Variants in SLC25A48 observed in about 807,000 individuals in gnomAD.
SLC25A48 encodes the protein solute carrier family 25 member 48, also known as CTC-321K16.1.
A neutral mutation model predicts 32.2 loss-of-function variants in SLC25A48; 29 were observed. The ratio of observed to expected loss-of-function variants is 0.90; its 90% CI spans 0.67 to 1.23. SLC25A48 has a LOEUF of 1.23. SLC25A48 is among the 50% of genes most tolerant of loss of function. SLC25A48 has a pLI of 0.00. For synonymous variants in SLC25A48, 164 were observed against 172.3 expected, an observed-to-expected ratio of 0.95 and a Z score of 0.38; for missense variants, 399 against 422.7, an observed-to-expected ratio of 0.94 and a Z score of 0.49.
At chr5:135,758,703 T>G (rs1357823748) in intron 3 of SLC25A48, among the ~76,000 whole-genome samples, 2 of 150,708 alleles carry the variant, frequency 1.3e-5, no homozygotes, top group Non-Finnish European at 3.0e-5. Flanking sequence ...GAATAATACC[T>G]AGTGTTAACA....
intron 3 of SLC25A48, among the ~76,000 whole-genome samples, chr5:135,638,740 C>A (rs779705625): frequency 1.3e-5 from 2 of 152,126 alleles, no homozygotes; most frequent in African/African-American, 4.8e-5. Context: ...CCAAATATAA[C>A]GTCTTATGAT....
In SLC25A48 at chr5:135,721,616, C is replaced by G. The variant is rs1754957738; in HGVS notation, c.-521+86660C>G. 1.3e-5 allele frequency among the ~76,000 whole-genome samples: 2 copies of G among 152,172 alleles called. 1 individual carries two copies. Among genetic ancestry groups the G allele is most frequent in the Admixed American group, 1.3e-4 (2 of 15,278 alleles). The stretch of plus-strand genomic sequence containing the variant: ...GCTGAAGCTGTGTAAAAGCTACCAG[C>G]TGGATGGTGTGAGCACTGCATAATT... On this transcript the variant is annotated intron_variant, in intron 3 of 10. Transcript: ENST00000646290.
chr5:135,786,830 T>C (rs1289851352), intron 3 of SLC25A48, among the ~76,000 whole-genome samples: 2 of 151,582 alleles, frequency 1.3e-5, no homozygotes, highest in Non-Finnish European at 1.5e-5. Context: ...GTGTACACCA[T>C]GTGTTTATGC....
intron 3 of SLC25A48, among the ~76,000 whole-genome samples, chr5:135,699,475 C>T (rs755637611): frequency 1.3e-5 from 2 of 151,102 alleles, no homozygotes; most frequent in Non-Finnish European, 2.9e-5. Flanking sequence ...ACATGAAGTA[C>T]TGGAATAAGC....
chr5:135,773,445 G>A (rs746228899), intron 3 of SLC25A48, among the ~76,000 whole-genome samples: 3 of 151,464 alleles, frequency 2.0e-5, no homozygotes, highest in Non-Finnish European at 3.0e-5. Context: ...AACGCAGGGG[G>A]TGTACACCCT....
chr5:135,866,238 C>T (rs1761195572), intron 4 of SLC25A48, among the ~76,000 whole-genome samples: 3 of 152,240 alleles, frequency 2.0e-5, no homozygotes, highest in Admixed American at 2.0e-4. Flanking sequence ...GCTGGGAGCA[C>T]TTTCCCTTCC....
upstream of SLC25A48, among the ~76,000 whole-genome samples, chr5:135,833,230 G>A (rs1018262663): frequency 1.3e-5 from 2 of 152,256 alleles, no homozygotes; most frequent in Non-Finnish European, 2.9e-5. Flanking sequence ...GCTCCAGCTC[G>A]TTAGTAGTTC....
chr5:135,855,073 C>T (rs1274339895), intron 4 of SLC25A48, among the ~76,000 whole-genome samples: 2 of 152,198 alleles, frequency 1.3e-5, no homozygotes, highest in Non-Finnish European at 2.9e-5. Context: ...CTTATATGGA[C>T]ACAGCTTGTT....
At chr5:135,623,528 A>G (rs1752371894) in intron 1 of SLC25A48, among the ~76,000 whole-genome samples, 1 of 151,806 alleles carries the variant, frequency 6.6e-6, no homozygotes, top group South Asian at 2.1e-4. Flanking sequence ...TTGGGTATGG[A>G]CTCCTCTTGT....
intron 3 of SLC25A48, among the ~76,000 whole-genome samples, chr5:135,665,940 T>C (rs1234389945): frequency 6.6e-6 from 1 of 152,136 alleles, no homozygotes; most frequent in Non-Finnish European, 1.5e-5. Flanking sequence ...CTTATTTGGG[T>C]ACTTTTTTCC....
At chr5:135,790,371 C>T (rs1756994778) in intron 3 of SLC25A48, among the ~76,000 whole-genome samples, 1 of 151,760 alleles carries the variant, frequency 6.6e-6, no homozygotes, top group South Asian at 2.1e-4. Context: ...GGTGTACATT[C>T]TGTGAAATTA....
intron 3 of SLC25A48, among the ~76,000 whole-genome samples, chr5:135,707,628 C>T (rs1255462336): frequency 6.6e-6 from 1 of 152,190 alleles, no homozygotes; most frequent in Non-Finnish European, 1.5e-5. Context: ...GTCACAGACT[C>T]CCTTTGCTCA....
In SLC25A48 at chr5:135,763,475, C is replaced by A. The variant is rs150776913; in HGVS notation, c.-520-49048C>A. On this transcript the variant is annotated intron_variant, in intron 3 of 10. Transcript: ENST00000646290. ...GCCCAGGAGCAGCTACACAGCCTCA[C>A]TTGTCCCTGTTTACCCAGCCCCAGA... 1.9e-3 allele frequency among the ~76,000 whole-genome samples: 296 copies of A among 152,240 alleles called. 1 individual carries two copies. Among genetic ancestry groups the A allele is most frequent in the African/African-American group, 6.6e-3 (275 of 41,526 alleles).
At chr5:135,776,088 C>T (rs143324898) in intron 3 of SLC25A48, among the ~76,000 whole-genome samples, 18 of 151,958 alleles carry the variant, frequency 1.2e-4, no homozygotes, top group Admixed American at 2.6e-4. Flanking sequence ...AAGGTGTACA[C>T]GTCCCCTGTG....
chr5:135,675,392 T>C (rs1753744465), intron 3 of SLC25A48, among the ~76,000 whole-genome samples: 1 of 151,964 alleles, frequency 6.6e-6, no homozygotes, highest in African/African-American at 2.4e-5. Context: ...GCTTTTGAGG[T>C]CTTAGCCATA....
chr5:135,871,624 C>T lies in SLC25A48; in HGVS notation c.585C>T (p.Tyr195=). 1 of 1,614,208 alleles carries T rather than the reference C, an allele frequency of 6.2e-7. No individual in the cohort carries two copies. Among genetic ancestry groups the T allele is most frequent in the Non-Finnish European group, 8.5e-7 (1 of 1,180,030 alleles). The change falls in exon 5 of 8, where the codon TAC becomes TAT. Residue 195 remains tyrosine, a synonymous_variant. Coordinates refer to ENST00000681962, the MANE Select transcript of SLC25A48 (RefSeq NM_001349336.2). ...GGGATGTCCCAGGCTATTGCCTCTA[C>T]TTCATCCCCTACGTGTTCCTGAGTG... ...LLRDVPGYCL[Y]FIPYVFLSEW...
At chr5:135,677,461 G>T (rs921145761) in intron 3 of SLC25A48, among the ~76,000 whole-genome samples, 15 of 151,952 alleles carry the variant, frequency 9.9e-5, no homozygotes, top group African/African-American at 3.1e-4. Flanking sequence ...GTGAGGTTTT[G>T]TTCCTATCAT....
intron 3 of SLC25A48, among the ~76,000 whole-genome samples, chr5:135,688,588 T>A (rs17680042): frequency 0.18 from 27,890 of 152,226 alleles, 2,784 homozygotes; most frequent in Middle Eastern, 0.3. Context: ...GAATATTGAT[T>A]TGAGCATTCA....
At position 135,629,830 on chromosome 5, in the gene SLC25A48, G is replaced by A. The variant is rs1752515706; in HGVS notation, c.-709+454G>A. 6.6e-6 allele frequency among the ~76,000 whole-genome samples: 1 copy of A among 152,222 alleles called. No homozygotes were observed. The highest frequency in any genetic ancestry group is 1.5e-5 in the Non-Finnish European group (1 of 68,034). On this transcript the variant is annotated intron_variant, in intron 2 of 10. Transcript: ENST00000646290. This position sits in a 1 kb window ranked among gnomAD's most constrained non-coding sequence, Gnocchi z 4.8. ...CCTGCTCTGCACATGGGCTGAGTGG[G>A]CCCATTGGCCAGAGAAAACCCTAGG...
Sources: allele counts gnomAD v4.1 joint callset (sites outside exome capture counted in the v4.1 genomes callset), GRCh38; gene constraint gnomAD v4.1.1; non-coding constraint Gnocchi (gnomAD v3.1); transcripts MANE v1.5; gene names NCBI Gene and HGNC (gene_info 2026-07-23, HGNC 2026-07-21).